Variants in GOLGA2 observed in about 807,000 individuals in gnomAD.
GOLGA2 encodes golgin A2.
GOLGA2 carries 49 observed loss-of-function variants against 148.8 expected under a neutral mutation model. The ratio of observed to expected loss-of-function variants is 0.33; its 90% confidence interval spans 0.26 to 0.42. GOLGA2 has a LOEUF of 0.42. Among genes scored for constraint, GOLGA2 ranks in the 10% least tolerant of loss-of-function variants. The pLI, the probability that GOLGA2 is intolerant of heterozygous loss-of-function variation, is 1.00. For missense variants in GOLGA2, 1,178 were observed against 1,304.6 expected, an observed-to-expected ratio of 0.90 and a Z score of 1.49; for synonymous variants, 501 against 511.8, an observed-to-expected ratio of 0.98 and a Z score of 0.28.
At chr9:128,270,950 G>A (rs1830905873) in intron 3 of GOLGA2, among the ~76,000 whole-genome samples, 1 of 152,116 alleles carries the variant, frequency 6.6e-6, no homozygotes, top group South Asian at 2.1e-4. Flanking sequence ...TTGGGAGGCT[G>A]AGGCATGAAA....
intron 13 of GOLGA2, 64 bp from the exon 14 acceptor site, chr9:128,262,768 A>G: frequency 6.9e-7 from 1 of 1,457,878 alleles, no homozygotes. Context: ...TTGGTGATCC[A>G]CCCTCTACCC....
chr9:128,263,081 C>G lies in GOLGA2; in HGVS notation c.945G>C (p.Glu315Asp). Reference protein sequence around the residue: ...QQKKADRYNKELTKERDALRL... With the variant: ...QQKKADRYNKDLTKERDALRL... ...TGAGGGCGTCTCTCTCTTTGGTTAA[C>G]TCCTTGTTGTACTGTAAATACAGAA... is the stretch of plus-strand genomic sequence containing the variant. Residue 315 changes from glutamate (E) to aspartate (D), a missense_variant, in exon 13 of 27, where the codon GAG becomes GAC. Transcript: ENST00000611957. 1 of 1,607,322 alleles carries G rather than the reference C, an allele frequency of 6.2e-7. No homozygotes were observed. Among genetic ancestry groups the G allele is most frequent in the South Asian group, 1.1e-5 (1 of 90,960 alleles).
In GOLGA2 at chr9:128,258,057, G is replaced by A. The variant is rs1342142206; in HGVS notation, c.2431C>T (p.Pro811Ser). Residue 811 changes from proline (P) to serine (S), a missense_variant, in exon 23 of 27, where the codon CCA becomes TCA. Pro to Ser is a moderately conservative substitution (Grantham distance 74). Transcript: ENST00000611957. This position sits in a 1 kb window ranked among gnomAD's most constrained non-coding sequence, Gnocchi z 6.6. ...SAQKEPEAAA[P>S]APGTGGDSVC... Reference sequence around the variant, plus strand: ...GAATCACCCCCGGTCCCTGGGGCTGGGGCTGCTGCCTCAGGCTCCTTCTGG... The same window carrying A: ...GAATCACCCCCGGTCCCTGGGGCTGAGGCTGCTGCCTCAGGCTCCTTCTGG... 2 of 1,611,574 alleles carry A rather than the reference G, an allele frequency of 1.2e-6. No individual in the cohort carries two copies. Among genetic ancestry groups the A allele is most frequent in the East Asian group, 2.2e-5 (1 of 44,858 alleles).
At chr9:128,273,822 C>A (rs932026205) in intron 2 of GOLGA2, 28 bp downstream of exon 2, 10 of 1,612,690 alleles carry the variant, frequency 6.2e-6, no homozygotes, top group Non-Finnish European at 8.5e-6. Context: ...GCCCCCTGTC[C>A]CCAGGAGCCT....
chr9:128,259,903 A>G (rs543176211), intron 19 of GOLGA2, among the ~76,000 whole-genome samples, 173 bp downstream of exon 19: 12 of 152,202 alleles, frequency 7.9e-5, no homozygotes, highest in East Asian at 5.8e-4. Flanking sequence ...GAGGAGCCCA[A>G]AGCTATCCAC....
At chr9:128,267,894 CT>C (rs1830689928) in intron 6 of GOLGA2, 39 bp downstream of exon 6, 1 of 1,482,866 alleles carries the variant, frequency 6.7e-7, no homozygotes, top group South Asian at 1.1e-5. Context: ...TCATAGTTCC[CT>C]TCCCCCCACC....
intron 6 of GOLGA2, among the ~76,000 whole-genome samples, 170 bp downstream of exon 6, chr9:128,267,761 CCTT>C (rs1267368134): frequency 6.6e-6 from 1 of 152,144 alleles, no homozygotes; most frequent in Non-Finnish European, 1.5e-5. Flanking sequence ...GGGTCCAACT[CCTT>C]CATGTGCACA....
At chr9:128,262,784 C>A in intron 13 of GOLGA2, 80 bp from the exon 14 acceptor site, 1 of 1,340,756 alleles carries the variant, frequency 7.5e-7, no homozygotes, top group Non-Finnish European at 1.0e-6. Context: ...TACCCTTGCC[C>A]CACAACCACA....
intron 2 of GOLGA2, 103 bp downstream of exon 2, chr9:128,273,747 G>A (rs776051547): frequency 7.1e-7 from 1 of 1,408,494 alleles, no homozygotes; most frequent in Admixed American, 2.1e-5. Context: ...TACAAACCCA[G>A]AACTCTTAAT....
At position 128,272,771 on chromosome 9, in the gene GOLGA2, C is replaced by T. The variant is rs202082375; in HGVS notation, c.288+14G>A. ...GAGAGAGCAAGCCAGAGAGGGGTCT[C>T]GGCACTGCCTCACCTTCCACTTGTC... On this transcript the variant is annotated intron_variant, in intron 3 of 26. Coordinates refer to ENST00000611957, the MANE Select transcript of GOLGA2 (RefSeq NM_001366244.2). The T allele has an allele frequency of 5.4e-5, 62 of 1,146,762 alleles. No homozygotes were observed. Among genetic ancestry groups the T allele is most frequent in the Non-Finnish European group, 9.2e-6 (8 of 866,948 alleles). The allele number at this position is 1,146,762 out of a possible 1,614,324, so 71.0% of individuals were successfully genotyped here.
intron 12 of GOLGA2, among the ~76,000 whole-genome samples, chr9:128,264,043 T>C (rs1216811354): frequency 1.4e-5 from 2 of 147,852 alleles, no homozygotes; most frequent in Non-Finnish European, 3.0e-5. Context: ...CAGGTGCCTG[T>C]AGTCCCAGCT....
intron 12 of GOLGA2, among the ~76,000 whole-genome samples, chr9:128,263,660 C>T (rs1189097021): frequency 3.3e-5 from 5 of 151,912 alleles, no homozygotes; most frequent in African/African-American, 4.8e-5. Flanking sequence ...CCTTGTGATC[C>T]GCCCGTCTCA....
rs756551178 is a variant in GOLGA2 at position 128,257,016 on chromosome 9, G to A, written c.*51C>T. 7.4e-7 allele frequency: 1 copy of A among 1,354,766 alleles called. No homozygotes were observed. Among genetic ancestry groups the A allele is most frequent in the South Asian group, 1.2e-5 (1 of 80,218 alleles). 83.9% of individuals were successfully genotyped at this position (1,354,766 alleles called of 1,614,324 possible). The stretch of plus-strand genomic sequence containing the variant: ...GAAGGGATGGTAGGGATATGGTGGG[G>A]GCAGGGTATCCAGCCCCACTTCTTC... On this transcript the variant is annotated 3_prime_UTR_variant, in exon 27 of 27. Transcript: ENST00000611957. The surrounding 1 kb of genome is among the most constrained non-coding windows in gnomAD (Gnocchi z 8.0).
rs1830545785 is a variant in GOLGA2 at position 128,265,653 on chromosome 9, G to A, written c.865C>T (p.Arg289Trp). Reference sequence around the variant, plus strand: ...CGCTCCAACTCTCCCACACGCCGCCGGGAATACTGCAGGCGGCTGGCCAGA... The same window carrying A: ...CGCTCCAACTCTCCCACACGCCGCCAGGAATACTGCAGGCGGCTGGCCAGA... ...EDLASRLQYS[R>W]RRVGELERAL... is the part of the protein sequence containing the mutation. The change falls in exon 12 of 27, where the codon CGG (arginine) becomes TGG (tryptophan). Residue 289 changes from arginine (R) to tryptophan (W), a missense_variant. Arg to Trp is a moderately radical substitution (Grantham distance 101). This residue lies in a region of GOLGA2 where 304 missense variants were observed against 404.1 expected (regional missense o/e 0.75). Transcript: ENST00000611957. The A allele has an allele frequency of 6.2e-6, 10 of 1,613,796 alleles. No individual in the cohort carries two copies. Among genetic ancestry groups the A allele is most frequent in the East Asian group, 2.2e-5 (1 of 44,874 alleles).
intron 12 of GOLGA2, among the ~76,000 whole-genome samples, chr9:128,264,313 C>T (rs1830464858): frequency 6.6e-6 from 1 of 151,568 alleles, no homozygotes; most frequent in Non-Finnish European, 1.5e-5. Context: ...TGGCTCACTG[C>T]AACCTCTGCC....
Position 128,267,281 on chromosome 9 carries a change from C to T in GOLGA2, c.562-7G>A, listed in dbSNP as rs1588487673. 6 of 1,596,888 alleles carry T rather than the reference C, an allele frequency of 3.8e-6. No homozygotes were observed. Among genetic ancestry groups the T allele is most frequent in the South Asian group, 2.2e-5 (2 of 90,688 alleles). On this transcript the variant is annotated splice_polypyrimidine_tract_variant and splice_region_variant and intron_variant, in intron 7 of 26. Coordinates refer to ENST00000611957, the MANE Select transcript of GOLGA2 (RefSeq NM_001366244.2). ...CTAGCTGTTGGTACCGGCTCTGAGG[C>T]GCATGCAGAGAGGAGGAGTTGGAGG...
chr9:128,256,172 C>G lies in GOLGA2; in HGVS notation c.*895G>C, dbSNP rs1487186634. On this transcript the variant is annotated 3_prime_UTR_variant, in exon 27 of 27. Transcript: ENST00000611957. ...GCCTCTCTGTGTAAGAAGATGGGAG[C>G]CCCCCTGAGGGAAAAATTGCTTTGG... The G allele has an allele frequency of 6.6e-6, 1 of 152,644 alleles. No homozygotes were observed. Among genetic ancestry groups the G allele is most frequent in the Admixed American group, 6.5e-5 (1 of 15,288 alleles). 9.5% of individuals were successfully genotyped at this position (152,644 alleles called of 1,614,324 possible). A position where few individuals can be genotyped will look rare whatever the true frequency, so the allele number is the denominator to read the frequency against.
rs1336193346 is a variant in GOLGA2 at position 128,266,359 on chromosome 9, G to A, written c.643-34C>T. 6.3e-6 allele frequency: 10 copies of A among 1,599,840 alleles called. No homozygotes were observed. The highest frequency in any genetic ancestry group is 8.6e-6 in the Non-Finnish European group (10 of 1,168,774). On this transcript the variant is annotated intron_variant, in intron 8 of 26. Coordinates refer to ENST00000611957, the MANE Select transcript of GOLGA2 (RefSeq NM_001366244.2). The surrounding 1 kb of genome is among the most constrained non-coding windows in gnomAD (Gnocchi z 4.2). Reference sequence around the variant, plus strand: ...AAGAGTCAAAGGAAGGTGACTGAGGGTGGCCCCCTCAACTCTATTCCCCAG... The same window carrying A: ...AAGAGTCAAAGGAAGGTGACTGAGGATGGCCCCCTCAACTCTATTCCCCAG...
intron 1 of GOLGA2, among the ~76,000 whole-genome samples, chr9:128,275,161 A>G (rs1331293983): frequency 2.0e-5 from 3 of 152,096 alleles, no homozygotes; most frequent in Non-Finnish European, 4.4e-5. Flanking sequence ...GTCAATGTCT[A>G]TGTTAAGGGT....
Sources: allele counts gnomAD v4.1 joint callset (sites outside exome capture counted in the v4.1 genomes callset), GRCh38; gene constraint gnomAD v4.1.1; regional missense constraint gnomAD v4.1.1; non-coding constraint Gnocchi (gnomAD v3.1); transcripts MANE v1.5; gene names NCBI Gene and HGNC (gene_info 2026-07-23, HGNC 2026-07-21).